ANO4: variants seen among roughly 807,000 people sequenced by gnomAD.
The protein encoded by ANO4 is anoctamin 4.
Under a neutral mutation model 141.9 loss-of-function variants are expected in ANO4, and 69 were observed. That is an observed-to-expected ratio of 0.49 (90% CI 0.40 to 0.59). The LOEUF is 0.59. Among genes scored for constraint, ANO4 ranks in the 20% least tolerant of loss-of-function variants. The probability of loss-of-function intolerance (pLI) is 0.00; values close to 1 mark genes in which losing one functional copy is unlikely to be tolerated. For synonymous variants in ANO4, 350 were observed against 394.3 expected (o/e 0.89, Z 1.33); for missense variants, 894 against 1,162.2 (o/e 0.77, Z 3.36).
At chr12:100,849,575 C>A (rs938926256) in intron 1 of ANO4, among the ~76,000 whole-genome samples, 1 of 152,104 alleles carries the variant, frequency 6.6e-6, no homozygotes, top group African/African-American at 2.4e-5. Context: ...CAAGGAGATT[C>A]TTTTTATCTC....
chr12:100,876,837 A>G (rs1417412187), intron 1 of ANO4, among the ~76,000 whole-genome samples: 1 of 152,180 alleles, frequency 6.6e-6, no homozygotes, highest in Admixed American at 6.5e-5. Context: ...CCAGTACCAT[A>G]CTATTTTGAT....
intron 9 of ANO4, among the ~76,000 whole-genome samples, chr12:101,028,767 A>T (rs112144581): frequency 1.3e-5 from 2 of 152,240 alleles, no homozygotes; most frequent in Admixed American, 1.3e-4. Flanking sequence ...TCAGGATATT[A>T]TCCAGGAGAA....
In ANO4 at chr12:101,063,745, CTTTTTTTTTTTTTTTT is replaced by C; in HGVS notation, c.1312+15362_1312+15377del. Among the ~76,000 whole-genome samples, 61 of 24,800 alleles carry C rather than the reference CTTTTTTTTTTTTTTTT, an allele frequency of 2.5e-3. 1 individual carries two copies. The highest frequency in any genetic ancestry group is 6.2e-3 in the African/African-American group (35 of 5,636). 16.3% of individuals were successfully genotyped at this position (24,800 alleles called of 152,430 possible). On this transcript the variant is annotated intron_variant, in intron 14 of 27. Coordinates refer to ENST00000392977, the MANE Select transcript of ANO4 (RefSeq NM_001286615.2). ...ATGGATGGAAGGTTGTCCAGGTTAT[CTTTTTTTTTTTTTTTT>C]TTTTTTTTTTTTTTTTTGCCTTTGA...
intron 9 of ANO4, among the ~76,000 whole-genome samples, chr12:101,034,102 C>A (rs2047097295): frequency 6.6e-6 from 1 of 152,096 alleles, no homozygotes; most frequent in Non-Finnish European, 1.5e-5. Flanking sequence ...TATCTAGAAC[C>A]AGAAATACCA....
At chr12:100,852,136 A>C (rs1172669455) in intron 1 of ANO4, among the ~76,000 whole-genome samples, 1 of 152,226 alleles carries the variant, frequency 6.6e-6, no homozygotes, top group Non-Finnish European at 1.5e-5. Flanking sequence ...GAAAGCATAG[A>C]TATCTAAAAG....
chr12:101,054,139 A>G (rs978360791), intron 14 of ANO4, among the ~76,000 whole-genome samples: 6 of 152,244 alleles, frequency 3.9e-5, no homozygotes, highest in East Asian at 1.9e-4. Flanking sequence ...AAATTTGTGA[A>G]CAACGTAAAT....
chr12:100,757,865 C>T (rs1191621678), intron 3 of ANO4, among the ~76,000 whole-genome samples: 1 of 152,178 alleles, frequency 6.6e-6, no homozygotes, highest in Non-Finnish European at 1.5e-5. Flanking sequence ...AGTTTTTCCT[C>T]CTCTGTGGGT....
intron 1 of ANO4, among the ~76,000 whole-genome samples, chr12:100,726,426 G>A (rs566742938): frequency 2.0e-5 from 3 of 152,066 alleles, no homozygotes; most frequent in African/African-American, 4.8e-5. Flanking sequence ...CATTCCTAGC[G>A]CAGGGCAGAT....
upstream of ANO4, among the ~76,000 whole-genome samples, chr12:100,717,287 C>T (rs1565835752): frequency 1.3e-5 from 2 of 151,822 alleles, no homozygotes; most frequent in African/African-American, 2.4e-5. Flanking sequence ...CGGAGCGCGG[C>T]TGCCGGTCTA....
intron 1 of ANO4, among the ~76,000 whole-genome samples, chr12:100,851,146 C>G (rs976961378): frequency 3.9e-5 from 6 of 152,146 alleles, no homozygotes; most frequent in South Asian, 2.1e-4. Context: ...TGCCAAGATG[C>G]TTCCAGAGTA....
intron 1 of ANO4, among the ~76,000 whole-genome samples, chr12:100,851,143 A>G (rs1413159260): frequency 6.6e-6 from 1 of 152,216 alleles, no homozygotes; most frequent in Non-Finnish European, 1.5e-5. Flanking sequence ...AAATGCCAAG[A>G]TGCTTCCAGA....
chr12:100,939,759 G>A (rs1019681020), intron 4 of ANO4, among the ~76,000 whole-genome samples: 2 of 152,104 alleles, frequency 1.3e-5, no homozygotes, highest in Non-Finnish European at 2.9e-5. Context: ...TTACAGGGAT[G>A]GGCTTCCTTG....
chr12:100,877,934 A>G (rs1183977607), intron 1 of ANO4, among the ~76,000 whole-genome samples: 3 of 152,192 alleles, frequency 2.0e-5, no homozygotes, highest in African/African-American at 7.2e-5. Context: ...TGTTCTTAAT[A>G]TCATGGAATA....
At chr12:100,750,673 A>C (rs7488539) in intron 3 of ANO4, among the ~76,000 whole-genome samples, 61,724 of 151,900 alleles carry the variant, frequency 0.41, 12,718 homozygotes, top group Admixed American at 0.48. Flanking sequence ...CTATAAAGAA[A>C]ATTTTCTTTA....
intron 1 of ANO4, among the ~76,000 whole-genome samples, chr12:100,891,358 G>T (rs952336145): frequency 6.6e-6 from 1 of 152,202 alleles, no homozygotes; most frequent in Non-Finnish European, 1.5e-5. Flanking sequence ...TTGCTGGATT[G>T]TATGGTGAGA....
At chr12:101,018,073 A>G (rs1362223510) in intron 8 of ANO4, among the ~76,000 whole-genome samples, 4 of 152,102 alleles carry the variant, frequency 2.6e-5, no homozygotes, top group African/African-American at 9.6e-5. Flanking sequence ...CTTGTCAAGC[A>G]TAGTTGTGCT....
Position 100,936,139 on chromosome 12 carries a change from G to A in ANO4, c.161-3176G>A, listed in dbSNP as rs1023440013. On this transcript the variant is annotated intron_variant, in intron 3 of 27. Coordinates refer to ENST00000392977, the MANE Select transcript of ANO4 (RefSeq NM_001286615.2). ...CTGATTTCCCTGAGCTCAAGTGGCA[G>A]TAGCCCCATGACTTCCAGACAGTGA... Among the ~76,000 whole-genome samples the A allele has an allele frequency of 2.6e-5, 4 of 152,294 alleles. No homozygotes were observed. The East Asian group carries it at 7.7e-4, about 29-fold the overall frequency.
chr12:100,872,854 G>A (rs975552215), intron 1 of ANO4, among the ~76,000 whole-genome samples: 3 of 152,194 alleles, frequency 2.0e-5, no homozygotes, highest in Non-Finnish European at 4.4e-5. Context: ...GTATGTCCCT[G>A]TCCAAATCTC....
chr12:100,922,841 T>C (rs1002814326), intron 3 of ANO4, among the ~76,000 whole-genome samples: 3 of 152,168 alleles, frequency 2.0e-5, no homozygotes, highest in Non-Finnish European at 4.4e-5. Context: ...AATCAAGGTT[T>C]GCTCTTCTTC....
Sources: allele counts gnomAD v4.1 joint callset (sites outside exome capture counted in the v4.1 genomes callset), GRCh38; gene constraint gnomAD v4.1.1; transcripts MANE v1.5; gene names NCBI Gene and HGNC (gene_info 2026-07-23, HGNC 2026-07-21).